HYAL4: variants seen among roughly 807,000 people sequenced by gnomAD.
The protein encoded by HYAL4 is hyaluronidase-4.
A neutral mutation model predicts 35.2 loss-of-function variants in HYAL4; 37 were observed. The ratio of observed to expected loss-of-function variants is 1.05; its 90% CI spans 0.81 to 1.38. The LOEUF (loss-of-function observed/expected upper bound fraction) is 1.38. Ranked by LOEUF, HYAL4 falls within the 40% of genes most tolerant of loss-of-function variation. The pLI, the probability that HYAL4 is intolerant of heterozygous loss-of-function variation, is 0.00. For missense variants in HYAL4, 572 were observed against 572.4 expected, an observed-to-expected ratio of 1.00 and a Z score of 0.01; for synonymous variants, 198 against 203.2, an observed-to-expected ratio of 0.97 and a Z score of 0.22.
At chr7:123,820,847 T>C in the HYAL4 span, among the ~76,000 whole-genome samples, 1 of 152,230 alleles carries the variant, frequency 6.6e-6, no homozygotes, top group African/African-American at 2.4e-5. Flanking sequence ...TACTGTGTTC[T>C]TTGCTTCTAC....
the HYAL4 span, among the ~76,000 whole-genome samples, chr7:123,817,602 C>G: frequency 2.0e-5 from 3 of 150,736 alleles, no homozygotes; most frequent in African/African-American, 7.3e-5. Context: ...CCTCCGTCTC[C>G]TGGGTTCAAG....
At chr7:123,826,338 G>GA (rs1196144893), upstream of HYAL4, among the ~76,000 whole-genome samples, 3 of 151,974 alleles carry the variant, frequency 2.0e-5, no homozygotes, top group Non-Finnish European at 2.9e-5. Flanking sequence ...AGGAAGCATG[G>GA]AAAAAAGCGT....
chr7:123,844,836 G>A (rs1333769319), upstream of HYAL4, among the ~76,000 whole-genome samples: 3 of 152,216 alleles, frequency 2.0e-5, no homozygotes, highest in Admixed American at 6.5e-5. Flanking sequence ...GACCCACCGA[G>A]CCAGGCACGG....
At chr7:123,822,649 A>G in the HYAL4 span, among the ~76,000 whole-genome samples, 1 of 152,210 alleles carries the variant, frequency 6.6e-6, no homozygotes, top group Non-Finnish European at 1.5e-5. Context: ...GACTTCTAGT[A>G]CTACGTTGAA....
the HYAL4 span, among the ~76,000 whole-genome samples, chr7:123,799,329 T>C: frequency 6.6e-6 from 1 of 151,932 alleles, no homozygotes; most frequent in Non-Finnish European, 1.5e-5. Context: ...TAAGCCAATA[T>C]TTTCAGTTCC....
rs2116957346 is a variant in HYAL4 at position 123,868,668 on chromosome 7, A to G, written c.395A>G (p.Tyr132Cys). The G allele has an allele frequency of 1.2e-6, 2 of 1,613,820 alleles. No individual in the cohort carries two copies. The highest frequency in any genetic ancestry group is 1.7e-6 in the Non-Finnish European group (2 of 1,179,972). ...LEKADQDINY[Y>C]IPAEDFSGLA... is the part of the protein sequence containing the mutation. ...AAAGCTGACCAAGATATTAATTATTACATCCCTGCTGAAGATTTCAGTGGA... is the reference window on the plus strand; with the variant it reads ...AAAGCTGACCAAGATATTAATTATTGCATCCCTGCTGAAGATTTCAGTGGA... The change falls in exon 3 of 5, where the codon TAC becomes TGC. Residue 132 changes from tyrosine (Y) to cysteine (C), a missense_variant. Tyr to Cys is a radical substitution (Grantham distance 194). Coordinates refer to ENST00000223026, the MANE Select transcript of HYAL4 (RefSeq NM_012269.3).
At chr7:123,786,597 C>T in the HYAL4 span, among the ~76,000 whole-genome samples, 1 of 151,542 alleles carries the variant, frequency 6.6e-6, no homozygotes, top group Non-Finnish European at 1.5e-5. Context: ...AATGGGGAAA[C>T]ATTAAAGTAA....
chr7:123,795,135 C>T, the HYAL4 span, among the ~76,000 whole-genome samples: 1 of 152,214 alleles, frequency 6.6e-6, no homozygotes, highest in South Asian at 2.1e-4. Flanking sequence ...TGCATGCAGC[C>T]TGTAACCCCT....
At chr7:123,784,997 G>C in the HYAL4 span, among the ~76,000 whole-genome samples, 2 of 152,172 alleles carry the variant, frequency 1.3e-5, no homozygotes, top group Non-Finnish European at 2.9e-5. Context: ...ATCAAAACCA[G>C]CTGGATAATT....
chr7:123,788,989 A>G, the HYAL4 span, among the ~76,000 whole-genome samples: 1 of 152,196 alleles, frequency 6.6e-6, no homozygotes, highest in Non-Finnish European at 1.5e-5. Flanking sequence ...GATTACAGTC[A>G]CTCTGATAGA....
chr7:123,851,492 G>A (rs1190747492), intron 2 of HYAL4, among the ~76,000 whole-genome samples: 1 of 152,058 alleles, frequency 6.6e-6, no homozygotes, highest in African/African-American at 2.4e-5. Context: ...AACATGCGGT[G>A]TTTGGTTTTC....
the HYAL4 span, among the ~76,000 whole-genome samples, chr7:123,816,287 G>T: frequency 1.3e-5 from 2 of 152,222 alleles, no homozygotes; most frequent in South Asian, 4.2e-4. Flanking sequence ...TCAAAAGCCA[G>T]TTGTCCAGGT....
At chr7:123,821,185 G>A in the HYAL4 span, among the ~76,000 whole-genome samples, 11 of 152,214 alleles carry the variant, frequency 7.2e-5, no homozygotes, top group African/African-American at 2.6e-4. Flanking sequence ...CATTTATACT[G>A]AATCATATAG....
chr7:123,856,924 C>CT (rs1806450161), intron 2 of HYAL4, among the ~76,000 whole-genome samples: 1 of 152,162 alleles, frequency 6.6e-6, no homozygotes, highest in African/African-American at 2.4e-5. Flanking sequence ...GCTACAGTGG[C>CT]TTTGCCGAGC....
the HYAL4 span, among the ~76,000 whole-genome samples, chr7:123,807,379 T>C: frequency 3.9e-5 from 6 of 151,904 alleles, no homozygotes; most frequent in South Asian, 1.2e-3. Flanking sequence ...TCATTAGAGT[T>C]CAAACTTCCT....
chr7:123,825,090 G>A (rs564526286), upstream of HYAL4, among the ~76,000 whole-genome samples: 69 of 151,928 alleles, frequency 4.5e-4, no homozygotes, highest in African/African-American at 1.4e-3. Context: ...CTTCAGCTTT[G>A]GGTTTCAGGT....
chr7:123,830,490 A>G (rs1562990754), intron 1 of HYAL4, among the ~76,000 whole-genome samples: 1 of 152,020 alleles, frequency 6.6e-6, no homozygotes, highest in African/African-American at 2.4e-5. Context: ...ACTTTTGTCT[A>G]CTCTTTAGGG....
the HYAL4 span, among the ~76,000 whole-genome samples, chr7:123,769,038 G>A: frequency 2.0e-5 from 3 of 152,284 alleles, no homozygotes; most frequent in Admixed American, 6.5e-5. Context: ...TAAATTCAAC[G>A]TAAGAATCTA....
chr7:123,841,161 C>A (rs1179059810), upstream of HYAL4, among the ~76,000 whole-genome samples: 1 of 151,858 alleles, frequency 6.6e-6, no homozygotes, highest in African/African-American at 2.4e-5. Context: ...AGATATGTTC[C>A]CTCAATACCT....
Sources: allele counts gnomAD v4.1 joint callset (sites outside exome capture counted in the v4.1 genomes callset), GRCh38; gene constraint gnomAD v4.1.1; transcripts MANE v1.5; gene names NCBI Gene and HGNC (gene_info 2026-07-23, HGNC 2026-07-21).